Variants in LMO3 observed in about 807,000 individuals in gnomAD.
LMO3 encodes LIM domain only protein 3.
In LMO3, 2 loss-of-function variants were observed where a neutral mutation model predicts 15.8. The observed-to-expected ratio is 0.13, with a 90% CI of 0.05 to 0.40. The LOEUF (loss-of-function observed/expected upper bound fraction) is 0.40. Among genes scored for constraint, LMO3 ranks in the 10% least tolerant of loss-of-function variants. The probability of loss-of-function intolerance (pLI) is 0.99; values close to 1 mark genes in which losing one functional copy is unlikely to be tolerated. For synonymous variants in LMO3, 62 were observed against 63.8 expected, an observed-to-expected ratio of 0.97 and a Z score of 0.13; for missense variants, 86 against 182.2, an observed-to-expected ratio of 0.47 and a Z score of 3.04.
intron 2 of LMO3, chr12:16,573,981 G>A (rs1213211030): frequency 2.6e-5 from 4 of 152,080 alleles, no homozygotes; most frequent in Non-Finnish European, 4.4e-5. Context: ...TGGAGTCCGT[G>A]CCCCTCAGAG....
At chr12:16,566,027 TATATATATATATAA>T (rs1309976656) in intron 2 of LMO3, among the ~76,000 whole-genome samples, 4 of 64,528 alleles carry the variant, frequency 6.2e-5, no homozygotes, top group African/African-American at 1.8e-4. Context: ...TATATATATA[TATATATATATATAA>T]AATGGAGTAC....
In LMO3 at chr12:16,605,064, G is replaced by C. The variant is rs764706841; in HGVS notation, c.-9+1002C>G. On this transcript the variant is annotated intron_variant, in intron 1 of 3. Coordinates refer to ENST00000537304, the MANE Select transcript of LMO3 (RefSeq NM_018640.5). ...TTGGGAGCGGGTCGGAGTGGCGGCA[G>C]GGGGTGGGGGAAGGGATGAGGACGG... is the stretch of plus-strand genomic sequence containing the variant. 1,074 of 1,483,006 alleles carry C rather than the reference G, an allele frequency of 7.2e-4. 2 individuals carry two copies. The highest frequency in any genetic ancestry group is 9.3e-4 in the Non-Finnish European group (1,043 of 1,122,408). The allele number at this position is 1,483,006 out of a possible 1,614,324, so 91.9% of individuals were successfully genotyped here.
rs4140864 is a variant in LMO3, at chr12:16,599,186, G to A, written c.206+1469C>T. 0.98 allele frequency: 149,549 copies of A among 152,794 alleles called. 73,276 individuals are homozygous for A. The highest frequency in any genetic ancestry group is 1 in the East Asian group (5,204 of 5,204). The allele number at this position is 152,794 out of a possible 1,614,324, so 9.5% of individuals were successfully genotyped here. On this transcript the variant is annotated intron_variant, in intron 2 of 3. Transcript: ENST00000537304. The surrounding 1 kb of genome is among the most constrained non-coding windows in gnomAD (Gnocchi z 4.1). The stretch of plus-strand genomic sequence containing the variant: ...GGAGAGTTCTAAAAAAATGAACATT[G>A]TACATTAATTTTGATTCGTTGTGCC...
chr12:16,600,892 A>G, intron 1 of LMO3, 24 bp from the exon 2 acceptor site: 5 of 1,539,764 alleles, frequency 3.2e-6, no homozygotes, highest in Non-Finnish European at 4.5e-6. Flanking sequence ...AAAGCAAAAA[A>G]GAGAGCTGAG....
chr12:16,573,813 T>C (rs944478569), intron 2 of LMO3: 2 of 152,324 alleles, frequency 1.3e-5, no homozygotes, highest in Non-Finnish European at 2.9e-5. Flanking sequence ...AATCCTGCTT[T>C]ACCACGTTAA....
chr12:16,570,468 TAAAGAA>T (rs934840303), intron 2 of LMO3, among the ~76,000 whole-genome samples: 1 of 151,990 alleles, frequency 6.6e-6, no homozygotes, highest in African/African-American at 2.4e-5. Flanking sequence ...AAAAGAAAAA[TAAAGAA>T]AATGAAAAGA....
rs186546837 is a variant in LMO3, at chr12:16,604,933, G to T, written c.-9+1133C>A. On this transcript the variant is annotated intron_variant, in intron 1 of 3. Transcript: ENST00000537304. The surrounding 1 kb of genome is among the most constrained non-coding windows in gnomAD (Gnocchi z 5.3). ...CTGAGTTGCAGCAGCTTCGCATTGA[G>T]CACCAAACCCAAAGGTAGAAGTAGA... The T allele has an allele frequency of 1.5e-4, 240 of 1,598,390 alleles. No homozygotes were observed. In the African/African-American group the frequency reaches 2.8e-3, roughly 19 times the overall value.
intron 2 of LMO3, among the ~76,000 whole-genome samples, chr12:16,578,000 T>A (rs1943046078): frequency 6.6e-6 from 1 of 152,174 alleles, no homozygotes. Flanking sequence ...CTACAACTAA[T>A]TCCACCATCT....
rs1353807472 is a variant in LMO3, at chr12:16,548,917, A to AAAG, written c.*2302_*2304dup. ...GAAATAATTCTCAGCATATTATGTA[A>AAAG]AAGAAAAAGCAGTGAAAACCTTGTT... On this transcript the variant is annotated 3_prime_UTR_variant, in exon 4 of 4. Coordinates refer to ENST00000537304, the MANE Select transcript of LMO3 (RefSeq NM_018640.5). This position sits in a 1 kb window ranked among gnomAD's most constrained non-coding sequence, Gnocchi z 4.2. 2 of 152,152 alleles carry AAAG rather than the reference A, an allele frequency of 1.3e-5. No homozygotes were observed. Among genetic ancestry groups the AAAG allele is most frequent in the Non-Finnish European group, 2.9e-5 (2 of 68,018 alleles). 9.4% of individuals were successfully genotyped at this position (152,152 alleles called of 1,614,324 possible).
intron 1 of LMO3, chr12:16,605,006 A>G (rs963687955): frequency 6.3e-7 from 1 of 1,588,396 alleles, no homozygotes; most frequent in Non-Finnish European, 8.5e-7. Context: ...TGCGCAGCCT[A>G]CACCGCCGAG....
In LMO3 at chr12:16,560,712, C is replaced by T. The variant is rs77050222; in HGVS notation, c.207-174G>A. On this transcript the variant is annotated intron_variant, in intron 2 of 3. Transcript: ENST00000537304. This position sits in a 1 kb window ranked among gnomAD's most constrained non-coding sequence, Gnocchi z 5.0. ...AAATATTCTTCTGCAATATATTCTC[C>T]GTTGACCTTCCTTGATGAAAATCAC... 704 of 630,640 alleles carry T rather than the reference C, an allele frequency of 1.1e-3. 1 individual carries two copies. Among genetic ancestry groups the T allele is most frequent in the Non-Finnish European group, 1.7e-3 (614 of 358,836 alleles). 39.1% of individuals were successfully genotyped at this position (630,640 alleles called of 1,614,324 possible). A position where few individuals can be genotyped will look rare whatever the true frequency, so the allele number is the denominator to read the frequency against.
upstream of LMO3, chr12:16,607,091 T>C (rs1283982081): frequency 6.6e-6 from 1 of 152,358 alleles, no homozygotes; most frequent in Non-Finnish European, 1.5e-5. Flanking sequence ...CTTCCATTCA[T>C]GAACTCTCTG....
rs540823154 is a variant in LMO3, at chr12:16,549,407, C to T, written c.*1815G>A. 1 of 152,488 alleles carries T rather than the reference C, an allele frequency of 6.6e-6. No homozygotes were observed. Among genetic ancestry groups the T allele is most frequent in the African/African-American group, 2.4e-5 (1 of 41,438 alleles). The allele number at this position is 152,488 out of a possible 1,614,324, so 9.4% of individuals were successfully genotyped here. A position where few individuals can be genotyped will look rare whatever the true frequency, so the allele number is the denominator to read the frequency against. On this transcript the variant is annotated 3_prime_UTR_variant, in exon 4 of 4. Transcript: ENST00000537304. The stretch of plus-strand genomic sequence containing the variant: ...TACATATCATTCACTTTTCACAGAA[C>T]CATTTTCTTAAAAATAAGAGGCAAT...
chr12:16,573,227 T>C (rs1030835442), intron 2 of LMO3, among the ~76,000 whole-genome samples: 3 of 152,098 alleles, frequency 2.0e-5, no homozygotes, highest in Non-Finnish European at 4.4e-5. Flanking sequence ...ATAAATACTA[T>C]TTGGGGGTTT....
In LMO3 at chr12:16,560,702, A is replaced by G; in HGVS notation, c.207-164T>C. On this transcript the variant is annotated intron_variant, in intron 2 of 3. Coordinates refer to ENST00000537304, the MANE Select transcript of LMO3 (RefSeq NM_018640.5). The surrounding 1 kb of genome is among the most constrained non-coding windows in gnomAD (Gnocchi z 5.0). The stretch of plus-strand genomic sequence containing the variant: ...GTGTATGCATAAATATTCTTCTGCA[A>G]TATATTCTCCGTTGACCTTCCTTGA... 3.0e-6 allele frequency: 2 copies of G among 660,848 alleles called. No individual in the cohort carries two copies. The highest frequency in any genetic ancestry group is 3.6e-5 in the South Asian group (2 of 55,632). The allele number at this position is 660,848 out of a possible 1,614,324, so 40.9% of individuals were successfully genotyped here.
intron 2 of LMO3, among the ~76,000 whole-genome samples, chr12:16,577,467 AAT>A (rs1302947221): frequency 6.6e-6 from 1 of 152,032 alleles, no homozygotes; most frequent in Admixed American, 6.6e-5. Context: ...AGCATTCCTA[AAT>A]ATATTATTCT....
chr12:16,575,656 A>T (rs1942970562), intron 2 of LMO3, among the ~76,000 whole-genome samples: 1 of 152,116 alleles, frequency 6.6e-6, no homozygotes, highest in African/African-American at 2.4e-5. Flanking sequence ...CGTCACATAG[A>T]TAGATAATAG....
intron 3 of LMO3, among the ~76,000 whole-genome samples, chr12:16,552,206 A>G (rs1942013442): frequency 6.6e-6 from 1 of 152,072 alleles, no homozygotes; most frequent in Non-Finnish European, 1.5e-5. Flanking sequence ...TACATTTAAC[A>G]ATAAAGTAAC....
Position 16,551,073 on chromosome 12 carries a change from T to C in LMO3, c.*149A>G. On this transcript the variant is annotated 3_prime_UTR_variant, in exon 4 of 4. Coordinates refer to ENST00000537304, the MANE Select transcript of LMO3 (RefSeq NM_018640.5). ...CTGGGGCAATTTCACTACATACAGA[T>C]GCAGTCCGCCTTTTATTCCATATAA... is the stretch of plus-strand genomic sequence containing the variant. 3.5e-6 allele frequency: 2 copies of C among 568,558 alleles called. No individual in the cohort carries two copies. The allele number at this position is 568,558 out of a possible 1,614,324, so 35.2% of individuals were successfully genotyped here.
Sources: gnomAD v4.1 joint callset for allele counts (sites outside exome capture counted in the v4.1 genomes callset) on GRCh38, gnomAD v4.1.1 for gene constraint, Gnocchi (gnomAD v3.1) non-coding constraint, MANE v1.5 for transcripts, NCBI Gene and HGNC (gene_info 2026-07-23, HGNC 2026-07-21) for gene names.